LURAP1: variants seen among roughly 807,000 people sequenced by gnomAD.
LURAP1 encodes leucine rich adaptor protein 1.
Under a neutral mutation model 19.0 loss-of-function variants are expected in LURAP1, and 14 were observed. That is an observed-to-expected ratio of 0.74 (90% CI 0.49 to 1.15). LURAP1 has a LOEUF of 1.15. Ranked by LOEUF, LURAP1 falls within the 50% of genes most tolerant of loss-of-function variation. LURAP1 has a pLI of 0.00. For missense variants in LURAP1, 273 were observed against 309.1 expected, an observed-to-expected ratio of 0.88 and a Z score of 0.87; for synonymous variants, 129 against 131.8, an observed-to-expected ratio of 0.98 and a Z score of 0.14.
At chr1:46,214,438 C>T (rs12126187) in intron 1 of LURAP1, among the ~76,000 whole-genome samples, 1 of 151,660 alleles carries the variant, frequency 6.6e-6, no homozygotes, top group Non-Finnish European at 1.5e-5. Context: ...TTAAGCATAT[C>T]CTTAAAGAGA....
intron 1 of LURAP1, 96 bp from the exon 2 acceptor site, chr1:46,219,603 A>G: frequency 1.5e-6 from 2 of 1,339,298 alleles, no homozygotes; most frequent in African/African-American, 1.5e-5. Context: ...CTTAAAGTGA[A>G]ACATGGTTGG....
chr1:46,219,627 T>C (rs2148255893), intron 1 of LURAP1, 72 bp from the exon 2 acceptor site: 1 of 1,460,046 alleles, frequency 6.8e-7, no homozygotes, highest in Non-Finnish European at 9.2e-7. Context: ...AACCACAAGG[T>C]AGTGGCCTGT....
chr1:46,219,862 G>A lies in LURAP1; in HGVS notation c.362G>A (p.Arg121His), dbSNP rs745415972. The change falls in exon 2 of 2, where the codon CGC (arginine) becomes CAC (histidine). Residue 121 changes from arginine to histidine, a missense_variant. Transcript: ENST00000371980. Reference protein sequence around the residue: ...QYSLTGGSPGRSRRGSWDSLP... With the variant: ...QYSLTGGSPGHSRRGSWDSLP... ...AGCCTGACAGGCGGGAGCCCAGGCCGCTCAAGGCGAGGCAGCTGGGACAGC... is the reference window on the plus strand; with the variant it reads ...AGCCTGACAGGCGGGAGCCCAGGCCACTCAAGGCGAGGCAGCTGGGACAGC... 21 of 1,613,712 alleles carry A rather than the reference G, an allele frequency of 1.3e-5. No individual in the cohort carries two copies. The highest frequency in any genetic ancestry group is 1.6e-4 in the Middle Eastern group (1 of 6,084).
At chr1:46,206,059 T>C (rs776545205) in intron 1 of LURAP1, among the ~76,000 whole-genome samples, 2 of 152,232 alleles carry the variant, frequency 1.3e-5, no homozygotes, top group Non-Finnish European at 2.9e-5. Context: ...GACTGGGATA[T>C]GTGGGAATGG....
intron 1 of LURAP1, among the ~76,000 whole-genome samples, chr1:46,207,353 T>A (rs1161345397): frequency 6.6e-6 from 1 of 152,094 alleles, no homozygotes; most frequent in Non-Finnish European, 1.5e-5. Context: ...GTGCTGGGAT[T>A]ACAGGTGTGA....
chr1:46,214,525 C>T (rs1171274321), intron 1 of LURAP1, among the ~76,000 whole-genome samples: 1 of 152,022 alleles, frequency 6.6e-6, no homozygotes, highest in African/African-American at 2.4e-5. Flanking sequence ...AGAAACAGCA[C>T]TTGGAAATAA....
In LURAP1 at chr1:46,206,822, A is replaced by G. The variant is rs74939483; in HGVS notation, c.198+3198A>G. ...AATGTGACCTCCTTAGCACTGGGCC[A>G]AGCACCAGAAATGGATTGGGCAGGA... On this transcript the variant is annotated intron_variant, in intron 1 of 1. Transcript: ENST00000371980. 5.3e-3 allele frequency among the ~76,000 whole-genome samples: 807 copies of G among 152,326 alleles called. 6 individuals are homozygous for G. The highest frequency in any genetic ancestry group is 0.041 in the Middle Eastern group (12 of 294).
intron 1 of LURAP1, among the ~76,000 whole-genome samples, chr1:46,208,041 G>A (rs1658774676): frequency 6.6e-6 from 1 of 151,640 alleles, no homozygotes; most frequent in Non-Finnish European, 1.5e-5. Context: ...TGTATTTTTA[G>A]TAGAGATGGG....
intron 1 of LURAP1, among the ~76,000 whole-genome samples, chr1:46,213,602 T>C (rs2148248007): frequency 6.6e-6 from 1 of 152,150 alleles, no homozygotes; most frequent in East Asian, 1.9e-4. Context: ...CTTACGCCTG[T>C]AATCACAGCA....
At chr1:46,214,885 AAAG>A (rs1439508471) in intron 1 of LURAP1, among the ~76,000 whole-genome samples, 2 of 149,862 alleles carry the variant, frequency 1.3e-5, no homozygotes, top group South Asian at 2.1e-4. Context: ...AAAAAAAAAA[AAAG>A]AGGAGTTGAT....
At chr1:46,216,065 T>G (rs1659056646) in intron 1 of LURAP1, among the ~76,000 whole-genome samples, 2 of 146,262 alleles carry the variant, frequency 1.4e-5, no homozygotes, top group African/African-American at 5.0e-5. Flanking sequence ...TTTTTTTTTT[T>G]TGTGACGGAG....
chr1:46,211,364 T>C (rs770607163), intron 1 of LURAP1, among the ~76,000 whole-genome samples: 2 of 151,938 alleles, frequency 1.3e-5, no homozygotes, highest in Non-Finnish European at 2.9e-5. Context: ...AGCCTATTTC[T>C]GAGTGCCCCA....
intron 1 of LURAP1, among the ~76,000 whole-genome samples, chr1:46,207,472 T>C (rs1218630410): frequency 6.6e-6 from 1 of 152,208 alleles, no homozygotes; most frequent in Non-Finnish European, 1.5e-5. Flanking sequence ...CCTCTAGGTA[T>C]CTACAGTCCT....
At chr1:46,207,200 C>T (rs1421115586) in intron 1 of LURAP1, among the ~76,000 whole-genome samples, 1 of 152,066 alleles carries the variant, frequency 6.6e-6, no homozygotes, top group Non-Finnish European at 1.5e-5. Context: ...CCTGCCTCAG[C>T]TTCCTGAGTA....
chr1:46,220,112 G>A lies in LURAP1; in HGVS notation c.612G>A (p.Glu204=), dbSNP rs189814441. The A allele has an allele frequency of 2.5e-6, 4 of 1,614,238 alleles. No homozygotes were observed. Among genetic ancestry groups the A allele is most frequent in the Admixed American group, 1.7e-5 (1 of 60,028 alleles). Residue 204 remains glutamate, a synonymous_variant, in exon 2 of 2, where the codon GAG becomes GAA. Transcript: ENST00000371980. ...SLRAVWKPPG[E]RLQGGPPESP... is the part of the protein sequence containing the mutation. ...GAGCTGTGTGGAAGCCCCCAGGGGA[G>A]AGGCTTCAAGGTGGACCACCTGAGT...
At chr1:46,219,208 T>C (rs1401449920) in intron 1 of LURAP1, among the ~76,000 whole-genome samples, 2 of 151,456 alleles carry the variant, frequency 1.3e-5, no homozygotes, top group East Asian at 3.9e-4. Flanking sequence ...GGCAGGAGAA[T>C]CGCTTGAACC....
At chr1:46,216,043 C>CTTTT (rs141982741) in intron 1 of LURAP1, among the ~76,000 whole-genome samples, 1,180 of 92,542 alleles carry the variant, frequency 0.013, 11 homozygotes, top group Non-Finnish European at 0.014. Context: ...TTTATTTTAT[C>CTTTT]TTTTTTTTTT....
At chr1:46,211,087 C>G (rs963615693) in intron 1 of LURAP1, among the ~76,000 whole-genome samples, 1 of 151,954 alleles carries the variant, frequency 6.6e-6, no homozygotes, top group African/African-American at 2.4e-5. Context: ...GTCCTTTGGG[C>G]CTTTTAAAGA....
intron 1 of LURAP1, among the ~76,000 whole-genome samples, chr1:46,217,581 C>T (rs989756561): frequency 6.6e-6 from 1 of 151,986 alleles, no homozygotes; most frequent in African/African-American, 2.4e-5. Context: ...CCTGCCTGGG[C>T]GTGGTGGTTC....
Sources: gnomAD v4.1 joint callset for allele counts (sites outside exome capture counted in the v4.1 genomes callset) on GRCh38, gnomAD v4.1.1 for gene constraint, MANE v1.5 for transcripts, NCBI Gene and HGNC (gene_info 2026-07-23, HGNC 2026-07-21) for gene names.